Variants in F2RL1 observed in about 807,000 individuals in gnomAD.
F2RL1 encodes the protein F2R like trypsin receptor 1.
A neutral mutation model predicts 21.7 loss-of-function variants in F2RL1; 16 were observed. The observed-to-expected ratio is 0.74, with a 90% CI of 0.50 to 1.12. The LOEUF is 1.12. F2RL1 is among the 50% of genes most tolerant of loss of function. F2RL1 has a pLI of 0.00. For missense variants in F2RL1, 432 were observed against 477.8 expected (o/e 0.90, Z 0.89); for synonymous variants, 181 against 186.7 (o/e 0.97, Z 0.25).
At chr5:76,822,955 A>C (rs1750165327) in intron 1 of F2RL1, among the ~76,000 whole-genome samples, 1 of 152,092 alleles carries the variant, frequency 6.6e-6, no homozygotes, top group Non-Finnish European at 1.5e-5. Context: ...TTTTAGGCCA[A>C]GCGTGGTGGC....
chr5:76,830,822 T>C (rs1750337296), intron 1 of F2RL1, among the ~76,000 whole-genome samples: 1 of 152,130 alleles, frequency 6.6e-6, no homozygotes, highest in Admixed American at 6.6e-5. Context: ...CAGGCTAGCA[T>C]CCCAAATAGG....
intron 1 of F2RL1, among the ~76,000 whole-genome samples, chr5:76,828,548 T>G (rs1024244107): frequency 9.9e-5 from 15 of 151,094 alleles, no homozygotes; most frequent in Non-Finnish European, 2.9e-5. Context: ...TGGAGTGCAG[T>G]GGCACAATCT....
In F2RL1 at chr5:76,834,502, G is replaced by T. The variant is rs149930351; in HGVS notation, c.*701G>T. On this transcript the variant is annotated 3_prime_UTR_variant, in exon 2 of 2. Transcript: ENST00000296677. ...TACTAAAAATACAAAAGTTAACCAG[G>T]TGTGTGGTGCACGTTTGTAATCCCA... 1 of 152,246 alleles carries T rather than the reference G, an allele frequency of 6.6e-6. No homozygotes were observed. The highest frequency in any genetic ancestry group is 1.9e-4 in the East Asian group (1 of 5,184). The allele number at this position is 152,246 out of a possible 1,614,324, so 9.4% of individuals were successfully genotyped here. A position where few individuals can be genotyped will look rare whatever the true frequency, so the allele number is the denominator to read the frequency against.
chr5:76,832,895 C>T lies in F2RL1; in HGVS notation c.288C>T (p.Ala96=), dbSNP rs753650623. ...FVVGLPSNGM[A]LWVFLFRTKK... Reference sequence around the variant, plus strand: ...TGGGTTTGCCAAGTAACGGCATGGCCCTGTGGGTCTTTCTTTTCCGAACTA... The same window carrying T: ...TGGGTTTGCCAAGTAACGGCATGGCTCTGTGGGTCTTTCTTTTCCGAACTA... The change falls in exon 2 of 2, where the codon GCC becomes GCT. Residue 96 remains alanine (A), a synonymous_variant. Transcript: ENST00000296677. 4 of 1,614,066 alleles carry T rather than the reference C, an allele frequency of 2.5e-6. No individual in the cohort carries two copies. In the African/African-American group the frequency reaches 5.3e-5, roughly 22 times the overall value.
chr5:76,826,957 C>T (rs1478415587), intron 1 of F2RL1, among the ~76,000 whole-genome samples: 1 of 151,492 alleles, frequency 6.6e-6, no homozygotes, highest in Non-Finnish European at 1.5e-5. Flanking sequence ...TTCAAGCTGT[C>T]CTCCTGCCTC....
At position 76,833,114 on chromosome 5, in the gene F2RL1, C is replaced by G. The variant is rs1750381492; in HGVS notation, c.507C>G (p.Leu169=). The G allele has an allele frequency of 6.2e-7, 1 of 1,614,120 alleles. No homozygotes were observed. Among genetic ancestry groups the G allele is most frequent in the African/African-American group, 1.3e-5 (1 of 74,928 alleles). ...GTTCCATTCTCTTCATGACCTGCCT[C>G]AGTGTGCAGAGGTATTGGGTCATCG... ...MYCSILFMTC[L]SVQRYWVIVN... The change falls in exon 2 of 2, where the codon CTC becomes CTG. Residue 169 remains leucine, a synonymous_variant. Coordinates refer to ENST00000296677, the MANE Select transcript of F2RL1 (RefSeq NM_005242.6).
At chr5:76,828,086 A>G (rs975165169) in intron 1 of F2RL1, among the ~76,000 whole-genome samples, 2 of 151,644 alleles carry the variant, frequency 1.3e-5, no homozygotes, top group African/African-American at 4.8e-5. Flanking sequence ...CTCCTGTCTC[A>G]CCCTCCCAAG....
chr5:76,833,441 A>G lies in F2RL1; in HGVS notation c.834A>G (p.Ser278=), dbSNP rs771596991. ...GATCTTCTGCCATGGATGAAAACTC[A>G]GAGAAGAAAAGGAAGAGGGCCATCA... ...MLRSSAMDEN[S]EKKRKRAIKL... is the part of the protein sequence containing the mutation. Residue 278 remains serine, a synonymous_variant, in exon 2 of 2, where the codon TCA becomes TCG. Coordinates refer to ENST00000296677, the MANE Select transcript of F2RL1 (RefSeq NM_005242.6). 3 of 1,613,850 alleles carry G rather than the reference A, an allele frequency of 1.9e-6. No individual in the cohort carries two copies. Among genetic ancestry groups the G allele is most frequent in the Non-Finnish European group, 2.5e-6 (3 of 1,179,988 alleles).
At chr5:76,819,383 C>CT (rs989850728) in intron 1 of F2RL1, 119 bp downstream of exon 1, 1 of 826,916 alleles carries the variant, frequency 1.2e-6, no homozygotes, top group Non-Finnish European at 1.8e-6. Flanking sequence ...GCACCCATCT[C>CT]TACGAATCCC....
intron 1 of F2RL1, among the ~76,000 whole-genome samples, chr5:76,831,222 CG>C (rs1181468084): frequency 6.6e-6 from 1 of 152,104 alleles, no homozygotes; most frequent in African/African-American, 2.4e-5. Context: ...CCAGGCCAGA[CG>C]GTTTCCCTGC....
rs1007877867 is a variant in F2RL1 at position 76,832,749 on chromosome 5, G to A, written c.142G>A (p.Val48Ile). Residue 48 changes from valine to isoleucine, a missense_variant, in exon 2 of 2, where the codon GTC (valine) becomes ATC (isoleucine). Coordinates refer to ENST00000296677, the MANE Select transcript of F2RL1 (RefSeq NM_005242.6). ...LIGKVDGTSH[V>I]TGKGVTVETV... Reference sequence around the variant, plus strand: ...TGGTAAGGTTGATGGCACATCCCACGTCACTGGAAAAGGAGTTACAGTTGA... The same window carrying A: ...TGGTAAGGTTGATGGCACATCCCACATCACTGGAAAAGGAGTTACAGTTGA... 14 of 1,614,056 alleles carry A rather than the reference G, an allele frequency of 8.7e-6. No individual in the cohort carries two copies. Among genetic ancestry groups the A allele is most frequent in the African/African-American group, 1.3e-5 (1 of 74,926 alleles).
chr5:76,832,445 TA>T (rs1423073188), intron 1 of F2RL1, among the ~76,000 whole-genome samples: 1 of 151,964 alleles, frequency 6.6e-6, no homozygotes, highest in African/African-American at 2.4e-5. Flanking sequence ...CTACAAAAAG[TA>T]AAAAATTAGC....
chr5:76,829,276 T>C (rs2150606884), intron 1 of F2RL1, among the ~76,000 whole-genome samples: 1 of 140,232 alleles, frequency 7.1e-6, no homozygotes, highest in South Asian at 2.2e-4. Context: ...TTTTTTTTTT[T>C]TGAAGAGATG....
chr5:76,819,360 T>A, intron 1 of F2RL1, 96 bp downstream of exon 1: 1 of 1,037,128 alleles, frequency 9.6e-7, no homozygotes, highest in Non-Finnish European at 1.4e-6. Flanking sequence ...GTGCGAAGGC[T>A]GTTCTGCTGC....
intron 1 of F2RL1, among the ~76,000 whole-genome samples, chr5:76,825,328 A>T (rs1040294678): frequency 1.1e-4 from 17 of 151,936 alleles, no homozygotes; most frequent in African/African-American, 4.1e-4. Flanking sequence ...AATTGACTGT[A>T]TATTGTGGCT....
chr5:76,832,268 T>G (rs1750362832), intron 1 of F2RL1, among the ~76,000 whole-genome samples: 1 of 152,146 alleles, frequency 6.6e-6, no homozygotes, highest in Admixed American at 6.6e-5. Context: ...TATAAGCATT[T>G]TGTGTAATCC....
intron 1 of F2RL1, among the ~76,000 whole-genome samples, chr5:76,828,514 G>T (rs1750287094): frequency 6.7e-6 from 1 of 148,674 alleles, no homozygotes; most frequent in African/African-American, 2.5e-5. Flanking sequence ...TATAGAGACA[G>T]GGGCCTCACT....
rs1258877697 is a variant in F2RL1 at position 76,833,152 on chromosome 5, G to A, written c.545G>A (p.Gly182Glu). The A allele has an allele frequency of 6.2e-7, 1 of 1,614,116 alleles. No homozygotes were observed. Among genetic ancestry groups the A allele is most frequent in the East Asian group, 2.2e-5 (1 of 44,868 alleles). Residue 182 changes from glycine (G) to glutamate (E), a missense_variant, in exon 2 of 2, where the codon GGG becomes GAG. Physicochemically the swap from Gly to Glu is moderately conservative, Grantham distance 98. Coordinates refer to ENST00000296677, the MANE Select transcript of F2RL1 (RefSeq NM_005242.6). The stretch of plus-strand genomic sequence containing the variant: ...TATTGGGTCATCGTGAACCCCATGG[G>A]GCACTCCAGGAAGAAGGCAAACATT... ...QRYWVIVNPM[G>E]HSRKKANIAI...
rs1750082769 is a variant in F2RL1, at chr5:76,819,235, CCTCT to C, written c.59_62del (p.Leu20ProfsTer53). 6.3e-7 allele frequency: 1 copy of C among 1,592,484 alleles called. No homozygotes were observed. Among genetic ancestry groups the C allele is most frequent in the South Asian group, 1.1e-5 (1 of 89,486 alleles). Reference sequence around the variant, plus strand: ...CTGGGGGCCGCCATCCTGCTAGCAGCCTCTCTCTCCTGCAGTGGCACCATCCAAG... The same window carrying C: ...CTGGGGGCCGCCATCCTGCTAGCAGCCTCTCCTGCAGTGGCACCATCCAAG... On this transcript the variant is annotated frameshift_variant, in exon 1 of 2. Transcript: ENST00000296677. LOFTEE classifies it high-confidence loss of function.
Sources: gnomAD v4.1 joint callset for allele counts (sites outside exome capture counted in the v4.1 genomes callset) on GRCh38, gnomAD v4.1.1 for gene constraint, MANE v1.5 for transcripts, NCBI Gene and HGNC (gene_info 2026-07-23, HGNC 2026-07-21) for gene names.